KCNH2: variants seen among roughly 807,000 people sequenced by gnomAD.
KCNH2 encodes voltage-gated inwardly rectifying potassium channel KCNH2.
In KCNH2, 35 loss-of-function variants were observed where a neutral mutation model predicts 95.9. The ratio of observed to expected loss-of-function variants is 0.37; its 90% CI spans 0.28 to 0.48. KCNH2 has a LOEUF of 0.48. Among genes scored for constraint, KCNH2 ranks in the 20% least tolerant of loss-of-function variants. The pLI is 0.99. For synonymous variants in KCNH2, 786 were observed against 754.7 expected (o/e 1.04, Z -0.68); for missense variants, 1,274 against 1,702.9 (o/e 0.75, Z 4.43).
intron 1 of KCNH2, among the ~76,000 whole-genome samples, chr7:150,976,144 T>C (rs375701608): frequency 1.3e-5 from 2 of 152,186 alleles, no homozygotes; most frequent in Non-Finnish European, 1.5e-5. Flanking sequence ...TCAGTAGCAG[T>C]TGGAATTCTC....
intron 2 of KCNH2, among the ~76,000 whole-genome samples, chr7:150,969,258 G>A (rs191363062): frequency 7.9e-5 from 12 of 152,284 alleles, no homozygotes; most frequent in Middle Eastern, 3.4e-3. Context: ...ATAAAGTGAC[G>A]GAGAGGAATC....
Position 150,974,800 on chromosome 7 carries a change from C to T in KCNH2, c.218G>A (p.Arg73His), listed in dbSNP as rs1456508280. Residue 73 changes from arginine (R) to histidine (H), a missense_variant, in exon 2 of 15, where the codon CGC (arginine) becomes CAC (histidine). Around this residue, in one of 7 missense-constraint regions of KCNH2, gnomAD observed 85 missense variants for 174.7 expected, o/e 0.49. Coordinates refer to ENST00000262186, the MANE Select transcript of KCNH2 (RefSeq NM_000238.4). ...PCTCDFLHGPRTQRRAAAQIA... is the reference protein window; with the variant it reads ...PCTCDFLHGPHTQRRAAAQIA... ...CTGCGCGGCAGCGCGGCGCTGCGTG[C>T]GCGGCCCGTGCAGGAAGTCGCAGGT... 2 of 1,604,524 alleles carry T rather than the reference C, an allele frequency of 1.2e-6. No individual in the cohort carries two copies. The highest frequency in any genetic ancestry group is 1.3e-5 in the African/African-American group (1 of 74,636).
At position 150,950,336 on chromosome 7, in the gene KCNH2, G is replaced by A. The variant is rs189014161; in HGVS notation, c.2230C>T (p.Arg744Ter). The A allele has an allele frequency of 6.2e-7, 1 of 1,613,482 alleles. No individual in the cohort carries two copies. The highest frequency in any genetic ancestry group is 8.5e-7 in the Non-Finnish European group (1 of 1,179,928). The change falls in exon 9 of 15, where the codon CGA becomes TGA. Residue 744 changes from arginine to a stop codon, truncating the protein, a stop_gained. Coordinates refer to ENST00000262186, the MANE Select transcript of KCNH2 (RefSeq NM_000238.4). LOFTEE classifies it high-confidence loss of function. ...RSLLQHCKPF[R>*]GATKGCLRAL... ...CGAAGGCAGCCCTTGGTGGCCCCTC[G>A]GAAGGGTTTGCAGTGCTGCAGCAGT...
In KCNH2 at chr7:150,951,123, G is replaced by A. The variant is rs1479106083; in HGVS notation, c.1946-3C>T. 1.3e-6 allele frequency: 2 copies of A among 1,598,578 alleles called. No individual in the cohort carries two copies. The highest frequency in any genetic ancestry group is 1.7e-6 in the Non-Finnish European group (2 of 1,171,054). ...GAAGATGCTAGCATACATGAGGGCT[G>A]GGGGCGTGGGCACGTGGGGCCGTCA... On this transcript the variant is annotated splice_region_variant and splice_polypyrimidine_tract_variant and intron_variant, in intron 7 of 14. Transcript: ENST00000262186.
chr7:150,963,600 C>G (rs551264208), intron 2 of KCNH2, among the ~76,000 whole-genome samples: 6 of 151,600 alleles, frequency 4.0e-5, no homozygotes, highest in Non-Finnish European at 8.8e-5. Context: ...GCCCCGACCC[C>G]ACTCCCACCC....
In KCNH2 at chr7:150,957,465, G is replaced by A. The variant is rs1241710423; in HGVS notation, c.954C>T (p.Ser318=). 1.2e-6 allele frequency: 2 copies of A among 1,614,094 alleles called. No homozygotes were observed. The highest frequency in any genetic ancestry group is 1.7e-6 in the Non-Finnish European group (2 of 1,180,024). Residue 318 remains serine (S), a synonymous_variant, in exon 5 of 15, where the codon TCC becomes TCT. Coordinates refer to ENST00000262186, the MANE Select transcript of KCNH2 (RefSeq NM_000238.4). ...MHPLRSGLLN[S]TSDSDLVRYR... is the part of the protein sequence containing the mutation. Reference sequence around the variant, plus strand: ...AGCGCACGAGGTCGGAGTCCGAGGTGGAGTTGAGCAAGCCGCTGCGCAGTG... The same window carrying A: ...AGCGCACGAGGTCGGAGTCCGAGGTAGAGTTGAGCAAGCCGCTGCGCAGTG...
rs114186001 is a variant in KCNH2, at chr7:150,951,840, G to A, written c.1558-5C>T. The A allele has an allele frequency of 1.1e-3, 1,761 of 1,566,134 alleles. 12 individuals carry two copies. In the African/African-American group the frequency reaches 0.022, roughly 19 times the overall value. On this transcript the variant is annotated splice_polypyrimidine_tract_variant and splice_region_variant and intron_variant, in intron 6 of 14. Coordinates refer to ENST00000262186, the MANE Select transcript of KCNH2 (RefSeq NM_000238.4). ...AGTCTTCAGCAGCCCGATCAGCTGG[G>A]GGACAGGGAAGGGGCACATTCCGTT...
intron 6 of KCNH2, 22 bp from the exon 7 acceptor site, chr7:150,951,857 C>A: frequency 6.4e-7 from 1 of 1,550,492 alleles, no homozygotes. Flanking sequence ...GGAAGGGGCA[C>A]ATTCCGTTGA....
rs763446458 is a variant in KCNH2, at chr7:150,952,629, C to T, written c.1353G>A (p.Pro451=). 2.6e-4 allele frequency: 418 copies of T among 1,614,044 alleles called. 2 individuals are homozygous for T. The highest frequency in any genetic ancestry group is 2.8e-5 in the Non-Finnish European group (33 of 1,180,034). Reference sequence around the variant, plus strand: ...CCACGATGAGGTCCACCACAGCCAGCGGCTGGCAGGCGTAGCCACACTCGG... The same window carrying T: ...CCACGATGAGGTCCACCACAGCCAGTGGCTGGCAGGCGTAGCCACACTCGG... ...PATECGYACQ[P]LAVVDLIVDI... is the part of the protein sequence containing the mutation. Residue 451 remains proline (P), a synonymous_variant, in exon 6 of 15, where the codon CCG becomes CCA. Transcript: ENST00000262186. This position sits in a 1 kb window ranked among gnomAD's most constrained non-coding sequence, Gnocchi z 7.3.
rs1241564380 is a variant in KCNH2, at chr7:150,961,035, C to G, written c.308-1299G>C. ...CCTCTATGGCCCCCCAGGGACCCAC[C>G]AGGCAGGCTCCTCATCTCCCACTCT... On this transcript the variant is annotated intron_variant, in intron 2 of 14. Coordinates refer to ENST00000262186, the MANE Select transcript of KCNH2 (RefSeq NM_000238.4). The surrounding 1 kb of genome is among the most constrained non-coding windows in gnomAD (Gnocchi z 6.2). 6.6e-6 allele frequency among the ~76,000 whole-genome samples: 1 copy of G among 152,212 alleles called. No individual in the cohort carries two copies. The highest frequency in any genetic ancestry group is 1.5e-5 in the Non-Finnish European group (1 of 68,018).
rs1254450715 is a variant in KCNH2, at chr7:150,946,036, G to T, written c.3331-522C>A. 6.6e-6 allele frequency among the ~76,000 whole-genome samples: 1 copy of T among 152,150 alleles called. No homozygotes were observed. Among genetic ancestry groups the T allele is most frequent in the Non-Finnish European group, 1.5e-5 (1 of 68,010 alleles). ...GTCTGCTGGTGAGAGCTCTGCGGGG[G>T]CGGCTGCGAAGGGAGACTGGCACAT... On this transcript the variant is annotated intron_variant, in intron 14 of 14. Coordinates refer to ENST00000262186, the MANE Select transcript of KCNH2 (RefSeq NM_000238.4). The surrounding 1 kb of genome is among the most constrained non-coding windows in gnomAD (Gnocchi z 6.5).
Position 150,958,149 on chromosome 7 carries a change from A to T in KCNH2, c.826T>A (p.Cys276Ser). ...SLARTRSRES[C>S]ASVRRASSAD... ...GACGAGGCGCGGCGCACGCTGGCGC[A>T]GCTTTCTCGGGAGCGCGTCCGGGCC... The change falls in exon 4 of 15, where the codon TGC becomes AGC. Residue 276 changes from cysteine to serine, a missense_variant. Around this residue, in one of 7 missense-constraint regions of KCNH2, gnomAD observed 392 missense variants for 429.9 expected, o/e 0.91. Coordinates refer to ENST00000262186, the MANE Select transcript of KCNH2 (RefSeq NM_000238.4). The T allele has an allele frequency of 7.5e-7, 1 of 1,327,250 alleles. No homozygotes were observed. The highest frequency in any genetic ancestry group is 9.6e-7 in the Non-Finnish European group (1 of 1,041,502). 82.2% of individuals were successfully genotyped at this position (1,327,250 alleles called of 1,614,324 possible). A position where few individuals can be genotyped will look rare whatever the true frequency, so the allele number is the denominator to read the frequency against.
chr7:150,963,903 T>C (rs923689756), intron 2 of KCNH2, among the ~76,000 whole-genome samples: 8 of 152,160 alleles, frequency 5.3e-5, no homozygotes, highest in Non-Finnish European at 1.0e-4. Context: ...GCCATCCTGC[T>C]ACCACAGAAG....
chr7:150,971,887 A>G (rs936472593), intron 2 of KCNH2, among the ~76,000 whole-genome samples: 1 of 152,002 alleles, frequency 6.6e-6, no homozygotes, highest in Non-Finnish European at 1.5e-5. Flanking sequence ...GCAGAGGAGG[A>G]GCCACAGCCC....
chr7:150,947,789 C>G lies in KCNH2; in HGVS notation c.2782G>C (p.Gly928Arg), dbSNP rs769259008. The stretch of plus-strand genomic sequence containing the variant: ...GAGGGGCCACTGGACGGGCTCTCCC[C>G]CCACGGCCCCCCCGGCCGGCCCCGG... ...SSRGRPGGPW[G>R]ESPSSGPSSP... Residue 928 changes from glycine to arginine, a missense_variant, in exon 12 of 15, where the codon GGG becomes CGG. Around this residue, in one of 7 missense-constraint regions of KCNH2, gnomAD observed 457 missense variants for 416.1 expected, o/e 1.10. Transcript: ENST00000262186. 2 of 1,534,350 alleles carry G rather than the reference C, an allele frequency of 1.3e-6. No individual in the cohort carries two copies. The highest frequency in any genetic ancestry group is 1.7e-6 in the Non-Finnish European group (2 of 1,144,754).
At chr7:150,967,144 TG>T (rs967989595) in intron 2 of KCNH2, among the ~76,000 whole-genome samples, 4 of 152,068 alleles carry the variant, frequency 2.6e-5, no homozygotes, top group African/African-American at 9.7e-5. Context: ...CCGGATGTGG[TG>T]GTGCACACCT....
chr7:150,955,007 C>T (rs1435293542), intron 5 of KCNH2, among the ~76,000 whole-genome samples: 1 of 152,230 alleles, frequency 6.6e-6, no homozygotes, highest in East Asian at 1.9e-4. Context: ...AAAGGAGCCC[C>T]GGCGCCTCCA....
intron 2 of KCNH2, among the ~76,000 whole-genome samples, chr7:150,974,295 G>A (rs1455515383): frequency 6.6e-6 from 1 of 152,194 alleles, no homozygotes. Context: ...ACTGCCCTAA[G>A]GTAGATAGGG....
intron 9 of KCNH2, 23 bp downstream of exon 9, chr7:150,950,145 A>AGGGGGGGGCGGGGGGG: frequency 7.0e-7 from 1 of 1,424,934 alleles, no homozygotes; most frequent in Non-Finnish European, 9.7e-7. Flanking sequence ...TTTCCAGTCC[A>AGGGGGGGGCGGGGGGG]GTGCCCGCCC....
Sources: gnomAD v4.1 joint callset for allele counts (sites outside exome capture counted in the v4.1 genomes callset) on GRCh38, gnomAD v4.1.1 for gene constraint, gnomAD v4.1.1 regional missense constraint, Gnocchi (gnomAD v3.1) non-coding constraint, MANE v1.5 for transcripts, NCBI Gene and HGNC (gene_info 2026-07-23, HGNC 2026-07-21) for gene names.